Variants in SLC44A2 observed in about 807,000 individuals in gnomAD.
The protein encoded by SLC44A2 is solute carrier family 44 member 2 (CTL2 blood group), also known as choline transporter-like protein 2.
SLC44A2 carries 57 observed loss-of-function variants against 90.8 expected under a neutral mutation model. That is an observed-to-expected ratio of 0.63 (90% CI 0.51 to 0.78). The LOEUF (loss-of-function observed/expected upper bound fraction) is 0.78, where lower values mean the gene tolerates loss of function less well. SLC44A2 is among the 30% of genes least tolerant of loss of function. SLC44A2 has a pLI of 0.00. For missense variants in SLC44A2, 794 were observed against 919.7 expected (o/e 0.86, Z 1.77); for synonymous variants, 355 against 360.7 (o/e 0.98, Z 0.18).
At chr19:10,624,295 C>T (rs900499070), upstream of SLC44A2, among the ~76,000 whole-genome samples, 1 of 151,748 alleles carries the variant, frequency 6.6e-6, no homozygotes, top group Admixed American at 6.6e-5. Flanking sequence ...CACACCCAGC[C>T]TATTTTCTTT....
chr19:10,638,122 G>T (rs2067078957), intron 19 of SLC44A2, 29 bp downstream of exon 19: 5 of 1,613,764 alleles, frequency 3.1e-6, no homozygotes, highest in Non-Finnish European at 4.2e-6. Flanking sequence ...GCCTCTCGGG[G>T]TGTGGGAGCC....
At position 10,627,948 on chromosome 19, in the gene SLC44A2, G is replaced by A. The variant is rs770429298; in HGVS notation, c.189G>A (p.Val63=). The change falls in exon 4 of 22, where the codon GTG becomes GTA. Residue 63 remains valine, a synonymous_variant. Transcript: ENST00000335757. ...GGACTCATGGAGACCCTCGAAAGGT[G>A]ATCTACCCCACTGACAGCCGGGGCG... ...IAWTHGDPRK[V]IYPTDSRGEF... 13 of 1,613,916 alleles carry A rather than the reference G, an allele frequency of 8.1e-6. 1 individual carries two copies. In the Middle Eastern group the frequency reaches 1.3e-3, roughly 163 times the overall value.
upstream of SLC44A2, among the ~76,000 whole-genome samples, chr19:10,621,678 G>A (rs929979193): frequency 1.3e-5 from 2 of 152,036 alleles, no homozygotes; most frequent in Non-Finnish European, 1.5e-5. Flanking sequence ...GAGTGCAATG[G>A]CATGATCTCA....
At chr19:10,621,338 C>T (rs894255024), upstream of SLC44A2, among the ~76,000 whole-genome samples, 3 of 144,978 alleles carry the variant, frequency 2.1e-5, no homozygotes, top group Non-Finnish European at 3.0e-5. Context: ...GGCGACAGAG[C>T]GAGACTCTGC....
At chr19:10,623,012 G>C (rs887385423), upstream of SLC44A2, among the ~76,000 whole-genome samples, 1 of 152,196 alleles carries the variant, frequency 6.6e-6, no homozygotes, top group Non-Finnish European at 1.5e-5. Flanking sequence ...TTTCCAGAGG[G>C]CTTAACTTTT....
chr19:10,625,696 C>T, intron 1 of SLC44A2, 26 bp downstream of exon 1: 3 of 1,246,632 alleles, frequency 2.4e-6, no homozygotes, highest in Non-Finnish European at 3.0e-6. Context: ...CGCCCGTAGC[C>T]CCGGGCCGAC....
At chr19:10,630,185 A>T (rs2144854569) in intron 4 of SLC44A2, among the ~76,000 whole-genome samples, 1 of 152,038 alleles carries the variant, frequency 6.6e-6, no homozygotes, top group South Asian at 2.1e-4. Flanking sequence ...TTCTGTCGCT[A>T]CCAATAATAG....
chr19:10,610,289 C>T lies in SLC44A2; in HGVS notation c.31+7728C>T, dbSNP rs149005685. Reference sequence around the variant, plus strand: ...TCTTGTCCTTAACAGAAAACATTTGCAGAGCCCTGGTAGAGAATTCTCCCT... The same window carrying T: ...TCTTGTCCTTAACAGAAAACATTTGTAGAGCCCTGGTAGAGAATTCTCCCT... On this transcript the variant is annotated intron_variant, in intron 1 of 21. Transcript: ENST00000407327. Among the ~76,000 whole-genome samples, 502 of 150,960 alleles carry T rather than the reference C, an allele frequency of 3.3e-3. 4 individuals carry two copies. Among genetic ancestry groups the T allele is most frequent in the African/African-American group, 0.011 (453 of 41,222 alleles).
upstream of SLC44A2, among the ~76,000 whole-genome samples, chr19:10,624,894 G>C (rs1045227017): frequency 3.9e-5 from 6 of 152,154 alleles, no homozygotes; most frequent in Non-Finnish European, 8.8e-5. Context: ...CAGCACTTTG[G>C]GGGGCCACGG....
Position 10,615,039 on chromosome 19 carries a change from G to GTTTTT in SLC44A2, c.32-11206_32-11202dup, listed in dbSNP as rs909040686. On this transcript the variant is annotated intron_variant, in intron 1 of 21. Coordinates refer to the SLC44A2 transcript ENST00000407327. Reference sequence around the variant, plus strand: ...ATTAAGTTGGTGCAAAAGTAATTGCGTTTTTTTTTTTTGCCATTCCTTTTA... The same window carrying GTTTTT: ...ATTAAGTTGGTGCAAAAGTAATTGCGTTTTTTTTTTTTTTTTTGCCATTCCTTTTA... Among the ~76,000 whole-genome samples the GTTTTT allele has an allele frequency of 2.9e-3, 397 of 137,688 alleles. 1 individual carries two copies. The highest frequency in any genetic ancestry group is 0.01 in the African/African-American group (384 of 37,904). The allele number at this position is 137,688 out of a possible 152,430, so 90.3% of individuals were successfully genotyped here.
At chr19:10,625,939 C>T (rs971517355) in intron 1 of SLC44A2, among the ~76,000 whole-genome samples, 1 of 152,172 alleles carries the variant, frequency 6.6e-6, no homozygotes, top group Non-Finnish European at 1.5e-5. Flanking sequence ...TCCCCCTATC[C>T]CACCTCAGAT....
intron 1 of SLC44A2, among the ~76,000 whole-genome samples, chr19:10,605,097 C>T (rs190726278): frequency 1.3e-5 from 2 of 152,220 alleles, no homozygotes; most frequent in East Asian, 3.9e-4. Flanking sequence ...AAAAAACGGA[C>T]TCTTGCCAGG....
chr19:10,631,109 G>A lies in SLC44A2; in HGVS notation c.298G>A (p.Val100Ile), dbSNP rs753751620. 6.8e-6 allele frequency: 11 copies of A among 1,613,856 alleles called. No individual in the cohort carries two copies. In the Admixed American group the frequency reaches 1.0e-4, roughly 15 times the overall value. ...FNIVKCASPL[V>I]LLEFQCPTPQ... ...CATTGTGAAATGTGCCAGCCCCCTG[G>A]TTCTGCTGGAATTCCAATGTCCCAC... Residue 100 changes from valine (V) to isoleucine (I), a missense_variant, in exon 5 of 22, where the codon GTT becomes ATT. Val to Ile is a conservative substitution (Grantham distance 29, BLOSUM62 3). Around this residue, in one of 3 missense-constraint regions of SLC44A2, gnomAD observed 738 missense variants for 841.1 expected, o/e 0.88. Coordinates refer to ENST00000335757, the MANE Select transcript of SLC44A2 (RefSeq NM_020428.4).
intron 20 of SLC44A2, among the ~76,000 whole-genome samples, chr19:10,640,784 G>A (rs917992704): frequency 2.0e-5 from 3 of 152,014 alleles, no homozygotes; most frequent in African/African-American, 7.2e-5. Flanking sequence ...GTGCTAGGAG[G>A]ACATAAAATA....
At chr19:10,620,358 G>A (rs1403950958) in intron 1 of SLC44A2, among the ~76,000 whole-genome samples, 3 of 151,986 alleles carry the variant, frequency 2.0e-5, no homozygotes, top group Non-Finnish European at 4.4e-5. Context: ...GTGTGCGCCT[G>A]TAATTCCAGT....
intron 1 of SLC44A2, among the ~76,000 whole-genome samples, chr19:10,619,701 C>T (rs577377058): frequency 6.6e-6 from 1 of 152,068 alleles, no homozygotes; most frequent in East Asian, 1.9e-4. Flanking sequence ...CACCTGTAAT[C>T]CCAGCACTTC....
chr19:10,637,593 C>A, intron 16 of SLC44A2, 51 bp from the exon 17 acceptor site: 1 of 1,533,186 alleles, frequency 6.5e-7, no homozygotes, highest in Non-Finnish European at 9.0e-7. Context: ...GGATCCCTTC[C>A]AAGTCAGGCT....
intron 1 of SLC44A2, among the ~76,000 whole-genome samples, chr19:10,608,241 A>C (rs1378495988): frequency 6.9e-6 from 1 of 145,722 alleles, no homozygotes; most frequent in Non-Finnish European, 1.5e-5. Context: ...AAAAAAAAAA[A>C]GGAGAGACAG....
At chr19:10,642,049 C>T (rs1300734671) in intron 20 of SLC44A2, among the ~76,000 whole-genome samples, 1 of 150,964 alleles carries the variant, frequency 6.6e-6, no homozygotes, top group Admixed American at 6.6e-5. Flanking sequence ...AGTCCCAGCT[C>T]CTCCGGAGGC....
Sources: allele counts gnomAD v4.1 joint callset (sites outside exome capture counted in the v4.1 genomes callset), GRCh38; gene constraint gnomAD v4.1.1; regional missense constraint gnomAD v4.1.1; transcripts MANE v1.5; gene names NCBI Gene and HGNC (gene_info 2026-07-23, HGNC 2026-07-21).